Variants in RFTN1 observed in about 807,000 individuals in gnomAD.
The protein encoded by RFTN1 is raftlin, lipid raft linker 1, also known as raftlin.
A neutral mutation model predicts 46.5 loss-of-function variants in RFTN1; 26 were observed. The ratio of observed to expected loss-of-function variants is 0.56; its 90% CI spans 0.41 to 0.78. The LOEUF (loss-of-function observed/expected upper bound fraction) is 0.78, where lower values mean the gene tolerates loss of function less well. Among genes scored for constraint, RFTN1 ranks in the 30% least tolerant of loss-of-function variants. The pLI, the probability that RFTN1 is intolerant of heterozygous loss-of-function variation, is 0.00. For missense variants in RFTN1, 693 were observed against 718.7 expected, an observed-to-expected ratio of 0.96 and a Z score of 0.41; for synonymous variants, 261 against 284.2, an observed-to-expected ratio of 0.92 and a Z score of 0.82.
At position 16,460,525 on chromosome 3, in the gene RFTN1, A is replaced by G. The variant is rs1185511016; in HGVS notation, c.146-26488T>C. The stretch of plus-strand genomic sequence containing the variant: ...AGTGGGAAATAAAATAGTTGGATCA[A>G]TGACGTCAACAACCAACGCCGCTGT... On this transcript the variant is annotated intron_variant, in intron 2 of 9. Transcript: ENST00000334133. The surrounding 1 kb of genome is among the most constrained non-coding windows in gnomAD (Gnocchi z 4.8). Among the ~76,000 whole-genome samples the G allele has an allele frequency of 1.3e-5, 2 of 152,160 alleles. No homozygotes were observed.
rs1477442331 is a variant in RFTN1 at position 16,377,705 on chromosome 3, C to CT, written c.826+12dup. 30 of 1,568,778 alleles carry CT rather than the reference C, an allele frequency of 1.9e-5. No homozygotes were observed. Among genetic ancestry groups the CT allele is most frequent in the African/African-American group, 2.7e-5 (2 of 73,806 alleles). On this transcript the variant is annotated intron_variant, in intron 5 of 9. Coordinates refer to ENST00000334133, the MANE Select transcript of RFTN1 (RefSeq NM_015150.2). ...TTTAAGTGGGTCAAAACTCCCATTG[C>CT]TGACATACTTACTCCCTGAGAGTGG... is the stretch of plus-strand genomic sequence containing the variant.
rs1383923207 is a variant in RFTN1, at chr3:16,384,800, A to G, written c.442-6698T>C. On this transcript the variant is annotated intron_variant, in intron 4 of 9. Coordinates refer to ENST00000334133, the MANE Select transcript of RFTN1 (RefSeq NM_015150.2). This position sits in a 1 kb window ranked among gnomAD's most constrained non-coding sequence, Gnocchi z 4.7. ...TTTAAATATTCCTCTCCTTAGTCAC[A>G]TGAGTCACATTTCAAGCACCCACCA... 6.6e-6 allele frequency among the ~76,000 whole-genome samples: 1 copy of G among 152,192 alleles called. No homozygotes were observed. Among genetic ancestry groups the G allele is most frequent in the African/African-American group, 2.4e-5 (1 of 41,444 alleles).
At position 16,460,765 on chromosome 3, in the gene RFTN1, T is replaced by C. The variant is rs1377931723; in HGVS notation, c.146-26728A>G. ...ATTCAGGATTTAAGGTCTAAAACCA[T>C]AGAGAATATTTTAGAGCTAGATGGT... is the stretch of plus-strand genomic sequence containing the variant. On this transcript the variant is annotated intron_variant, in intron 2 of 9. Transcript: ENST00000334133. The surrounding 1 kb of genome is among the most constrained non-coding windows in gnomAD (Gnocchi z 4.8). Among the ~76,000 whole-genome samples, 1 of 152,118 alleles carries C rather than the reference T, an allele frequency of 6.6e-6. No homozygotes were observed. Among genetic ancestry groups the C allele is most frequent in the Non-Finnish European group, 1.5e-5 (1 of 68,028 alleles).
rs554938742 is a variant in RFTN1 at position 16,433,005 on chromosome 3, C to G, written c.332+846G>C. Reference sequence around the variant, plus strand: ...GCAAAGTGACTTTAAAAGGAGAGAACAAGGAGGAGCTGCTCTGTACTCCCT... The same window carrying G: ...GCAAAGTGACTTTAAAAGGAGAGAAGAAGGAGGAGCTGCTCTGTACTCCCT... On this transcript the variant is annotated intron_variant, in intron 3 of 9. Transcript: ENST00000334133. This position sits in a 1 kb window ranked among gnomAD's most constrained non-coding sequence, Gnocchi z 4.4. Among the ~76,000 whole-genome samples, 72 of 152,326 alleles carry G rather than the reference C, an allele frequency of 4.7e-4. No homozygotes were observed. In the Middle Eastern group the frequency reaches 0.017, roughly 36 times the overall value.
intron 5 of RFTN1, among the ~76,000 whole-genome samples, chr3:16,372,770 G>A (rs542172273): frequency 5.3e-5 from 8 of 152,200 alleles, no homozygotes; most frequent in African/African-American, 9.7e-5. Flanking sequence ...AAAGGTAGAC[G>A]GTGCTGACAG....
rs866140868 is a variant in RFTN1 at position 16,335,620 on chromosome 3, T to G, written c.1147-8744A>C. ...GTGGGGAGCAACACACACTGGGACC[T>G]GTTGGAGGTGTGGGAGGAGGGAGAG... On this transcript the variant is annotated intron_variant, in intron 7 of 9. Transcript: ENST00000334133. The surrounding 1 kb of genome is among the most constrained non-coding windows in gnomAD (Gnocchi z 4.7). Among the ~76,000 whole-genome samples, 1 of 151,978 alleles carries G rather than the reference T, an allele frequency of 6.6e-6. No individual in the cohort carries two copies. Among genetic ancestry groups the G allele is most frequent in the Non-Finnish European group, 1.5e-5 (1 of 67,996 alleles).
rs776737748 is a variant in RFTN1, at chr3:16,433,856, G to A, written c.327C>T (p.Thr109=). The A allele has an allele frequency of 2.5e-5, 41 of 1,614,008 alleles. No homozygotes were observed. The highest frequency in any genetic ancestry group is 2.0e-4 in the Admixed American group (12 of 60,000). The change falls in exon 3 of 10, where the codon ACC becomes ACT. Residue 109 remains threonine, a synonymous_variant. Coordinates refer to ENST00000334133, the MANE Select transcript of RFTN1 (RefSeq NM_015150.2). The surrounding 1 kb of genome is among the most constrained non-coding windows in gnomAD (Gnocchi z 4.4). ...HIFRAILIKK[T]DRSQKTDLHN... Reference sequence around the variant, plus strand: ...TTCACCCGTGGAGGCCTTACCTGTCGGTTTTCTTGATCAGGATGGCTCTAA... The same window carrying A: ...TTCACCCGTGGAGGCCTTACCTGTCAGTTTTCTTGATCAGGATGGCTCTAA...
chr3:16,502,627 A>C (rs4532116), intron 1 of RFTN1, among the ~76,000 whole-genome samples: 79,202 of 152,044 alleles, frequency 0.52, 20,963 homozygotes, highest in African/African-American at 0.6. Flanking sequence ...GTTCTGGGGG[A>C]AGCCAGCTGC....
In RFTN1 at chr3:16,513,312, A is replaced by C. The variant is rs1245587117; in HGVS notation, c.-9+130T>G. 6.6e-6 allele frequency: 1 copy of C among 152,616 alleles called. No individual in the cohort carries two copies. The highest frequency in any genetic ancestry group is 6.5e-5 in the Admixed American group (1 of 15,288). The allele number at this position is 152,616 out of a possible 1,614,324, so 9.5% of individuals were successfully genotyped here. On this transcript the variant is annotated intron_variant, in intron 1 of 9. Transcript: ENST00000334133. This position sits in a 1 kb window ranked among gnomAD's most constrained non-coding sequence, Gnocchi z 5.4. ...GCTCTGGCAGCTCCGGAGCCCCGGC[A>C]AAGAGCAACCTGCAGGGAGGCGCCA...
At chr3:16,324,067 C>T (rs1361574285) in intron 8 of RFTN1, among the ~76,000 whole-genome samples, 1 of 152,180 alleles carries the variant, frequency 6.6e-6, no homozygotes, top group African/African-American at 2.4e-5. Context: ...CCTGGAGCTG[C>T]CTCTAAAGAT....
chr3:16,399,418 C>T (rs546320624), intron 4 of RFTN1, among the ~76,000 whole-genome samples: 1 of 152,298 alleles, frequency 6.6e-6, no homozygotes, highest in African/African-American at 2.4e-5. Flanking sequence ...TGGAGGTTGC[C>T]AGTGACTTCA....
At chr3:16,416,188 T>C in intron 3 of RFTN1, 1 of 456,310 alleles carries the variant, frequency 2.2e-6, no homozygotes, top group South Asian at 1.6e-5. Context: ...AATAAAAGGG[T>C]ACTACTGGCA....
At chr3:16,454,202 A>G (rs910533668) in intron 2 of RFTN1, among the ~76,000 whole-genome samples, 3 of 152,290 alleles carry the variant, frequency 2.0e-5, no homozygotes, top group Admixed American at 2.0e-4. Flanking sequence ...TTTTCTAAAA[A>G]CCCACTCTTA....
In RFTN1 at chr3:16,479,218, A is replaced by C. The variant is rs1381158017; in HGVS notation, c.145+14507T>G. On this transcript the variant is annotated intron_variant, in intron 2 of 9. Transcript: ENST00000334133. This position sits in a 1 kb window ranked among gnomAD's most constrained non-coding sequence, Gnocchi z 5.1. ...CTTGGCTGGTTCACCCCTCAGGGAC[A>C]CTGATCCCCATCACTTGCCTTAAGC... Among the ~76,000 whole-genome samples the C allele has an allele frequency of 1.3e-5, 2 of 152,232 alleles. No homozygotes were observed. The highest frequency in any genetic ancestry group is 2.9e-5 in the Non-Finnish European group (2 of 68,040).
chr3:16,423,033 T>C lies in RFTN1; in HGVS notation c.332+10818A>G, dbSNP rs564670698. The stretch of plus-strand genomic sequence containing the variant: ...TACAAAAAAAATTAGCCGGGCATGG[T>C]GGTTGGTGCCTGTAGTCCCAGCTCC... On this transcript the variant is annotated intron_variant, in intron 3 of 9. Transcript: ENST00000334133. Among the ~76,000 whole-genome samples the C allele has an allele frequency of 9.9e-5, 15 of 151,888 alleles. No homozygotes were observed. In the East Asian group the frequency reaches 2.7e-3, roughly 28 times the overall value.
At chr3:16,390,561 G>C (rs1209370734) in intron 4 of RFTN1, among the ~76,000 whole-genome samples, 2 of 152,180 alleles carry the variant, frequency 1.3e-5, no homozygotes, top group African/African-American at 4.8e-5. Context: ...CTTAGTTCTT[G>C]TTTATCACAA....
intron 2 of RFTN1, among the ~76,000 whole-genome samples, chr3:16,441,549 C>T (rs2075624347): frequency 6.6e-6 from 1 of 152,156 alleles, no homozygotes; most frequent in Non-Finnish European, 1.5e-5. Flanking sequence ...GTATCAGCCT[C>T]CAACACAAGA....
intron 2 of RFTN1, among the ~76,000 whole-genome samples, chr3:16,439,763 C>G (rs1435629946): frequency 6.6e-6 from 1 of 152,154 alleles, no homozygotes; most frequent in Admixed American, 6.5e-5. Flanking sequence ...AGGGTTCCAG[C>G]CTTCTGCCTG....
chr3:16,384,945 TA>T lies in RFTN1; in HGVS notation c.442-6844del, dbSNP rs2125391281. Among the ~76,000 whole-genome samples, 1 of 152,142 alleles carries T rather than the reference TA, an allele frequency of 6.6e-6. No homozygotes were observed. Among genetic ancestry groups the T allele is most frequent in the South Asian group, 2.1e-4 (1 of 4,820 alleles). ...ATAATAAATCACATAAAATACTGAATAATAGAGTTTTTGACAGTGATTTCTG... is the reference window on the plus strand; with the variant it reads ...ATAATAAATCACATAAAATACTGAATATAGAGTTTTTGACAGTGATTTCTG... On this transcript the variant is annotated intron_variant, in intron 4 of 9. Transcript: ENST00000334133. The surrounding 1 kb of genome is among the most constrained non-coding windows in gnomAD (Gnocchi z 4.7).
Sources: allele counts gnomAD v4.1 joint callset (sites outside exome capture counted in the v4.1 genomes callset), GRCh38; gene constraint gnomAD v4.1.1; non-coding constraint Gnocchi (gnomAD v3.1); transcripts MANE v1.5; gene names NCBI Gene and HGNC (gene_info 2026-07-23, HGNC 2026-07-21).